Variants in SPHKAP observed in about 807,000 individuals in gnomAD.
SPHKAP encodes the protein SPHK1 interactor, AKAP domain containing, also known as A-kinase anchor protein SPHKAP.
SPHKAP carries 67 observed loss-of-function variants against 137.5 expected under a neutral mutation model. That is an observed-to-expected ratio of 0.49 (90% CI 0.40 to 0.60). The LOEUF (loss-of-function observed/expected upper bound fraction) is 0.60. Ranked by LOEUF, SPHKAP falls within the 20% of genes least tolerant of loss-of-function variation. The pLI is 0.00. For synonymous variants in SPHKAP, 813 were observed against 785.3 expected, an observed-to-expected ratio of 1.04 and a Z score of -0.59; for missense variants, 2,097 against 2,069.3, an observed-to-expected ratio of 1.01 and a Z score of -0.26.
chr2:228,063,805 T>A (rs896400403), intron 3 of SPHKAP, among the ~76,000 whole-genome samples: 59 of 152,230 alleles, frequency 3.9e-4, no homozygotes, highest in African/African-American at 1.4e-3. Flanking sequence ...CCAGTATGAC[T>A]GGTCTAACCA....
At chr2:228,155,843 A>G (rs1700092198) in intron 1 of SPHKAP, among the ~76,000 whole-genome samples, 2 of 152,238 alleles carry the variant, frequency 1.3e-5, no homozygotes, top group South Asian at 4.1e-4. Context: ...GTTGCAAATA[A>G]TAGTTGCAAA....
chr2:228,090,208 A>C (rs1697680009), intron 3 of SPHKAP, among the ~76,000 whole-genome samples: 1 of 152,222 alleles, frequency 6.6e-6, no homozygotes. Context: ...CACCCCTTGC[A>C]GCAGGACATA....
chr2:228,090,532 G>T (rs1697691819), intron 3 of SPHKAP, among the ~76,000 whole-genome samples: 1 of 152,086 alleles, frequency 6.6e-6, no homozygotes, highest in African/African-American at 2.4e-5. Context: ...AATGTGAGAA[G>T]GATATGAGAT....
chr2:228,145,497 C>T (rs1699748955), intron 1 of SPHKAP, among the ~76,000 whole-genome samples: 1 of 151,864 alleles, frequency 6.6e-6, no homozygotes, highest in Non-Finnish European at 1.5e-5. Flanking sequence ...ATAAGCTTGC[C>T]CAGGTGATTT....
chr2:228,008,520 C>G (rs1559343529), intron 7 of SPHKAP, among the ~76,000 whole-genome samples: 1 of 152,150 alleles, frequency 6.6e-6, no homozygotes, highest in Non-Finnish European at 1.5e-5. Flanking sequence ...GTCTCAAACT[C>G]CTGACCTCAG....
chr2:228,105,877 A>G (rs998527542), intron 3 of SPHKAP, among the ~76,000 whole-genome samples: 6 of 152,068 alleles, frequency 3.9e-5, no homozygotes, highest in Non-Finnish European at 7.4e-5. Flanking sequence ...ATAAATTACC[A>G]AGTCTCGGGT....
chr2:228,155,470 T>A (rs979627844), intron 1 of SPHKAP, among the ~76,000 whole-genome samples: 2 of 152,126 alleles, frequency 1.3e-5, no homozygotes, highest in Non-Finnish European at 2.9e-5. Context: ...GTGTTTCAGG[T>A]TTTATAACTC....
intron 3 of SPHKAP, among the ~76,000 whole-genome samples, chr2:228,091,163 C>G (rs1321364779): frequency 6.6e-6 from 1 of 151,930 alleles, no homozygotes; most frequent in Non-Finnish European, 1.5e-5. Context: ...AGGATAAAAA[C>G]AGATTAAAAA....
At chr2:228,049,016 G>A (rs576626481) in intron 3 of SPHKAP, among the ~76,000 whole-genome samples, 3 of 152,192 alleles carry the variant, frequency 2.0e-5, no homozygotes, top group South Asian at 2.1e-4. Context: ...AGTGTGGGAC[G>A]GTGCTTGAGA....
chr2:228,006,550 AT>A (rs1694145363), intron 7 of SPHKAP, among the ~76,000 whole-genome samples: 2 of 152,122 alleles, frequency 1.3e-5, no homozygotes, highest in African/African-American at 4.8e-5. Context: ...CGTCAAAGTC[AT>A]TCTCCGTCCA....
intron 1 of SPHKAP, among the ~76,000 whole-genome samples, chr2:228,159,901 T>C (rs1279051770): frequency 6.6e-6 from 1 of 152,216 alleles, no homozygotes; most frequent in Non-Finnish European, 1.5e-5. Flanking sequence ...CAGACCAATC[T>C]GTGGTTTGTT....
At chr2:228,095,145 G>C (rs974258015) in intron 3 of SPHKAP, among the ~76,000 whole-genome samples, 83 of 152,286 alleles carry the variant, frequency 5.5e-4, no homozygotes, top group African/African-American at 1.9e-3. Context: ...TGGGAAATTT[G>C]AAAGACAGAA....
intron 3 of SPHKAP, among the ~76,000 whole-genome samples, chr2:228,064,005 A>T (rs1252966374): frequency 6.6e-6 from 1 of 152,206 alleles, no homozygotes; most frequent in African/African-American, 2.4e-5. Flanking sequence ...ACTCTGGTCA[A>T]TGTTAAACTT....
chr2:228,163,647 A>G (rs1028332427), intron 1 of SPHKAP, among the ~76,000 whole-genome samples: 7 of 152,160 alleles, frequency 4.6e-5, no homozygotes, highest in Non-Finnish European at 7.3e-5. Flanking sequence ...CTCCCTTGCT[A>G]TGTGCTGTTG....
At chr2:228,002,511 G>C (rs991704855) in intron 7 of SPHKAP, among the ~76,000 whole-genome samples, 1 of 152,112 alleles carries the variant, frequency 6.6e-6, no homozygotes, top group Non-Finnish European at 1.5e-5. Context: ...CTCCCATTTT[G>C]TAGGTTGCCT....
chr2:228,080,506 A>G (rs911600471), intron 3 of SPHKAP, among the ~76,000 whole-genome samples: 11 of 152,186 alleles, frequency 7.2e-5, no homozygotes, highest in Admixed American at 3.9e-4. Context: ...TAAGTGTTTG[A>G]GACCAGCCTG....
At chr2:228,014,400 C>A (rs911965560) in intron 7 of SPHKAP, among the ~76,000 whole-genome samples, 1 of 152,090 alleles carries the variant, frequency 6.6e-6, no homozygotes, top group African/African-American at 2.4e-5. Flanking sequence ...ATTCTCCAAA[C>A]GACCTAGATA....
chr2:228,140,378 G>C (rs567272661), intron 1 of SPHKAP, among the ~76,000 whole-genome samples: 1 of 151,960 alleles, frequency 6.6e-6, no homozygotes, highest in Non-Finnish European at 1.5e-5. Flanking sequence ...GTATGTTACC[G>C]TAATTGCTTC....
At chr2:228,063,619 T>G (rs1227677420) in intron 3 of SPHKAP, among the ~76,000 whole-genome samples, 1 of 152,196 alleles carries the variant, frequency 6.6e-6, no homozygotes, top group Non-Finnish European at 1.5e-5. Flanking sequence ...CTCACTATGC[T>G]TCTATAACTT....
Sources: gnomAD v4.1 joint callset for allele counts (sites outside exome capture counted in the v4.1 genomes callset) on GRCh38, gnomAD v4.1.1 for gene constraint, MANE v1.5 for transcripts, NCBI Gene and HGNC (gene_info 2026-07-23, HGNC 2026-07-21) for gene names.